Variants in KLHL1 observed in about 807,000 individuals in gnomAD.
The protein encoded by KLHL1 is kelch-like protein 1.
A neutral mutation model predicts 77.7 loss-of-function variants in KLHL1; 47 were observed. That is an observed-to-expected ratio of 0.60 (90% CI 0.48 to 0.77). The LOEUF is 0.77. Among genes scored for constraint, KLHL1 ranks in the 30% least tolerant of loss-of-function variants. The pLI, the probability that KLHL1 is intolerant of heterozygous loss-of-function variation, is 0.00. For synonymous variants in KLHL1, 360 were observed against 325.2 expected (o/e 1.11, Z -1.15); for missense variants, 925 against 910.8 (o/e 1.02, Z -0.20).
At chr13:70,106,126 ATTC>A (rs1188333997) in intron 1 of KLHL1, among the ~76,000 whole-genome samples, 2 of 151,812 alleles carry the variant, frequency 1.3e-5, no homozygotes, top group East Asian at 3.9e-4. Context: ...AATTTTATCT[ATTC>A]TTTTTGGTAC....
At chr13:69,838,948 A>G (rs773334335) in intron 6 of KLHL1, 28 bp downstream of exon 6, 7 of 1,513,374 alleles carry the variant, frequency 4.6e-6, no homozygotes, top group African/African-American at 2.8e-5. Flanking sequence ...CACAGGATGT[A>G]TAGTTATATA....
At chr13:69,793,742 C>T (rs1295212219) in intron 7 of KLHL1, among the ~76,000 whole-genome samples, 2 of 152,010 alleles carry the variant, frequency 1.3e-5, no homozygotes, top group African/African-American at 4.8e-5. Context: ...CTAGCACAAA[C>T]TGTTGGTTTC....
At chr13:69,717,150 AT>A (rs1305221187) in intron 9 of KLHL1, among the ~76,000 whole-genome samples, 2 of 152,136 alleles carry the variant, frequency 1.3e-5, no homozygotes, top group African/African-American at 4.8e-5. Context: ...AATAGTTTAC[AT>A]TTCTATAGGA....
At chr13:69,895,419 T>A (rs1424979327) in intron 4 of KLHL1, among the ~76,000 whole-genome samples, 1 of 152,150 alleles carries the variant, frequency 6.6e-6, no homozygotes, top group African/African-American at 2.4e-5. Flanking sequence ...CAGAAGCCCA[T>A]CCCATTGGCA....
At chr13:69,928,788 A>G (rs1218788986) in intron 4 of KLHL1, among the ~76,000 whole-genome samples, 1 of 152,128 alleles carries the variant, frequency 6.6e-6, no homozygotes, top group Non-Finnish European at 1.5e-5. Context: ...GCGAATAGGT[A>G]GAGGTATCTT....
chr13:69,875,955 AG>A (rs1330963454), intron 5 of KLHL1, among the ~76,000 whole-genome samples: 1 of 152,114 alleles, frequency 6.6e-6, no homozygotes, highest in Admixed American at 6.5e-5. Context: ...AGCAAATCAA[AG>A]GGGGAAAAAT....
At chr13:70,042,571 A>G (rs1333634099) in intron 1 of KLHL1, among the ~76,000 whole-genome samples, 5 of 152,190 alleles carry the variant, frequency 3.3e-5, no homozygotes, top group Non-Finnish European at 7.3e-5. Flanking sequence ...TGGTATAAAC[A>G]AACATACTGC....
chr13:70,044,517 TG>T (rs1190320525), intron 1 of KLHL1, among the ~76,000 whole-genome samples: 19 of 152,238 alleles, frequency 1.2e-4, no homozygotes, highest in African/African-American at 4.6e-4. Context: ...AACATTTTAA[TG>T]TTTTTTTTTG....
chr13:69,946,872 A>G (rs1014850461), intron 3 of KLHL1, among the ~76,000 whole-genome samples: 32 of 152,134 alleles, frequency 2.1e-4, no homozygotes, highest in African/African-American at 7.7e-4. Flanking sequence ...GACAAGTCAC[A>G]TATGGTATTA....
At chr13:69,769,879 G>C (rs1275487852) in intron 7 of KLHL1, among the ~76,000 whole-genome samples, 1 of 152,098 alleles carries the variant, frequency 6.6e-6, no homozygotes, top group Non-Finnish European at 1.5e-5. Context: ...TGGCAGGAAT[G>C]AAAAGGGGTG....
intron 8 of KLHL1, among the ~76,000 whole-genome samples, chr13:69,735,311 T>C (rs1002845992): frequency 4.8e-4 from 72 of 151,502 alleles, no homozygotes; most frequent in Admixed American, 2.9e-3. Flanking sequence ...TCAATTAAAA[T>C]AGGTAGATAA....
At chr13:69,787,379 C>G (rs1416571487) in intron 7 of KLHL1, among the ~76,000 whole-genome samples, 1 of 152,034 alleles carries the variant, frequency 6.6e-6, no homozygotes, top group Non-Finnish European at 1.5e-5. Context: ...ATCTGATCTT[C>G]AATAAACCTG....
At chr13:69,759,717 T>C (rs920663785) in intron 7 of KLHL1, among the ~76,000 whole-genome samples, 3 of 152,196 alleles carry the variant, frequency 2.0e-5, no homozygotes, top group Non-Finnish European at 2.9e-5. Flanking sequence ...TTCGCATTTC[T>C]ACAGGGATGA....
intron 4 of KLHL1, among the ~76,000 whole-genome samples, chr13:69,937,359 A>C (rs1163958669): frequency 6.6e-6 from 1 of 152,222 alleles, no homozygotes; most frequent in Non-Finnish European, 1.5e-5. Context: ...AATATATGAC[A>C]GTTATTGTCA....
chr13:69,729,553 A>G (rs1184833632), intron 8 of KLHL1, among the ~76,000 whole-genome samples: 1 of 152,160 alleles, frequency 6.6e-6, no homozygotes, highest in Non-Finnish European at 1.5e-5. Flanking sequence ...GAAAAAAACA[A>G]ACAAAAAAAT....
intron 4 of KLHL1, chr13:69,894,953 C>G (rs1274527617): frequency 8.6e-6 from 4 of 467,242 alleles, no homozygotes; most frequent in African/African-American, 2.0e-5. Flanking sequence ...TCCTTGTCTA[C>G]AAATGACAGA....
chr13:69,798,320 T>C (rs12430131), intron 6 of KLHL1, among the ~76,000 whole-genome samples: 56,239 of 152,008 alleles, frequency 0.37, 10,625 homozygotes, highest in African/African-American at 0.43. Flanking sequence ...CTTTAGAACC[T>C]AACTAGTAAT....
intron 9 of KLHL1, among the ~76,000 whole-genome samples, chr13:69,715,875 A>G (rs1053500168): frequency 6.6e-6 from 1 of 152,158 alleles, no homozygotes; most frequent in African/African-American, 2.4e-5. Flanking sequence ...TTTGATACTC[A>G]TTTGTTAATA....
At chr13:69,935,103 T>C (rs1377305595) in intron 4 of KLHL1, among the ~76,000 whole-genome samples, 4 of 151,314 alleles carry the variant, frequency 2.6e-5, no homozygotes, top group African/African-American at 9.7e-5. Flanking sequence ...GATAATTTGT[T>C]TTCATTCAAT....
Sources: gnomAD v4.1 joint callset for allele counts (sites outside exome capture counted in the v4.1 genomes callset) on GRCh38, gnomAD v4.1.1 for gene constraint, MANE v1.5 for transcripts, NCBI Gene and HGNC (gene_info 2026-07-23, HGNC 2026-07-21) for gene names.